The following RBMS3 variants were observed in gnomAD, a reference collection of about 807,000 sequenced individuals.
The protein encoded by RBMS3 is RNA-binding motif, single-stranded-interacting protein 3.
RBMS3 carries 27 observed loss-of-function variants against 66.8 expected under a neutral mutation model. That is an observed-to-expected ratio of 0.40 (90% CI 0.30 to 0.56). RBMS3 has a LOEUF of 0.56. Among genes scored for constraint, RBMS3 ranks in the 20% least tolerant of loss-of-function variants. The pLI is 0.40. For synonymous variants in RBMS3, 188 were observed against 183.0 expected (o/e 1.03, Z -0.22); for missense variants, 513 against 549.5 (o/e 0.93, Z 0.66).
chr3:29,308,804 A>G (rs1394769602), intron 1 of RBMS3, among the ~76,000 whole-genome samples: 2 of 149,660 alleles, frequency 1.3e-5, no homozygotes, highest in African/African-American at 4.9e-5. Context: ...TTTTGTCAAA[A>G]AAAAAAAAAA....
At chr3:29,719,664 C>A (rs2053558144) in intron 4 of RBMS3, among the ~76,000 whole-genome samples, 1 of 152,158 alleles carries the variant, frequency 6.6e-6, no homozygotes, top group Admixed American at 6.6e-5. Flanking sequence ...GGCCCTCCAT[C>A]TTCTATGATA....
intron 12 of RBMS3, among the ~76,000 whole-genome samples, chr3:29,966,299 T>C (rs1206578079): frequency 1.3e-5 from 2 of 152,226 alleles, no homozygotes; most frequent in African/African-American, 4.8e-5. Flanking sequence ...AATACTGCTT[T>C]TGGCAGTATG....
chr3:29,321,208 A>G (rs778003284), intron 1 of RBMS3, among the ~76,000 whole-genome samples: 2 of 152,090 alleles, frequency 1.3e-5, no homozygotes, highest in African/African-American at 2.4e-5. Context: ...CCAAACTTTT[A>G]TGATATATTA....
At chr3:29,728,156 T>C (rs2053964126) in intron 4 of RBMS3, among the ~76,000 whole-genome samples, 2 of 143,684 alleles carry the variant, frequency 1.4e-5, no homozygotes, top group Admixed American at 7.2e-5. Context: ...AGTTGAACCA[T>C]GAGAAAACAT....
chr3:29,701,011 A>G (rs755090136), intron 4 of RBMS3, among the ~76,000 whole-genome samples: 1 of 152,144 alleles, frequency 6.6e-6, no homozygotes, highest in Admixed American at 6.5e-5. Flanking sequence ...TAATTCTGAG[A>G]ACAATGAAGA....
chr3:29,356,503 T>C (rs1425191968), intron 1 of RBMS3, among the ~76,000 whole-genome samples: 2 of 152,306 alleles, frequency 1.3e-5, no homozygotes, highest in South Asian at 2.1e-4. Context: ...CTCCACTTGC[T>C]AAAACTAGCC....
At chr3:29,787,848 T>A (rs988467971) in intron 6 of RBMS3, among the ~76,000 whole-genome samples, 6 of 152,264 alleles carry the variant, frequency 3.9e-5, no homozygotes, top group East Asian at 1.9e-4. Context: ...TTAAAAAAAA[T>A]TAAAAATTAA....
chr3:29,322,851 A>G (rs892189911), intron 1 of RBMS3, among the ~76,000 whole-genome samples: 4 of 152,150 alleles, frequency 2.6e-5, no homozygotes, highest in Admixed American at 6.6e-5. Context: ...TAGCCGTTCA[A>G]TGAATAGTAT....
At chr3:29,360,637 G>A (rs2037524875) in intron 1 of RBMS3, among the ~76,000 whole-genome samples, 3 of 152,004 alleles carry the variant, frequency 2.0e-5, no homozygotes, top group Admixed American at 1.3e-4. Context: ...GTCTAATGTT[G>A]ACAGTGGAGT....
chr3:29,807,352 A>G (rs1038507695), intron 6 of RBMS3, among the ~76,000 whole-genome samples: 2 of 151,948 alleles, frequency 1.3e-5, no homozygotes, highest in Non-Finnish European at 2.9e-5. Context: ...TAAACAAAAT[A>G]AAATCAAACA....
intron 4 of RBMS3, among the ~76,000 whole-genome samples, chr3:29,689,163 T>C (rs2051867455): frequency 6.6e-6 from 1 of 152,118 alleles, no homozygotes; most frequent in Non-Finnish European, 1.5e-5. Context: ...AGAGCTTGTA[T>C]ATTTCATCAA....
At chr3:29,357,766 T>C (rs2037313589) in intron 1 of RBMS3, among the ~76,000 whole-genome samples, 1 of 152,208 alleles carries the variant, frequency 6.6e-6, no homozygotes, top group Non-Finnish European at 1.5e-5. Flanking sequence ...TGATATCTCA[T>C]TGTGGTTTTG....
intron 6 of RBMS3, among the ~76,000 whole-genome samples, chr3:29,834,512 G>T (rs1362967022): frequency 6.6e-6 from 1 of 152,012 alleles, no homozygotes; most frequent in Non-Finnish European, 1.5e-5. Context: ...TTAGAATTGG[G>T]TGGGCAGCAG....
intron 4 of RBMS3, among the ~76,000 whole-genome samples, chr3:29,640,270 ACACACACACACACACC>A (rs1020941496): frequency 1.5e-4 from 23 of 150,568 alleles, no homozygotes; most frequent in African/African-American, 5.6e-4. Context: ...ACACACACAC[ACACACACACACACACC>A]CACACACACA....
At chr3:29,310,284 A>G (rs1032013939) in intron 1 of RBMS3, among the ~76,000 whole-genome samples, 2 of 151,704 alleles carry the variant, frequency 1.3e-5, no homozygotes, top group Admixed American at 6.6e-5. Flanking sequence ...AAAGTAGGTC[A>G]TCCTCTGTGA....
At chr3:29,770,269 A>G (rs2149393784) in intron 6 of RBMS3, among the ~76,000 whole-genome samples, 1 of 152,138 alleles carries the variant, frequency 6.6e-6, no homozygotes, top group South Asian at 2.1e-4. Flanking sequence ...GAGAATTTCC[A>G]GTCTCTATTA....
At chr3:29,462,940 G>C (rs2042418253) in intron 2 of RBMS3, among the ~76,000 whole-genome samples, 1 of 152,190 alleles carries the variant, frequency 6.6e-6, no homozygotes, top group Admixed American at 6.5e-5. Flanking sequence ...TATATGACTA[G>C]TGTTTTGTTA....
intron 1 of RBMS3, among the ~76,000 whole-genome samples, chr3:29,301,969 A>G (rs1405880580): frequency 6.6e-6 from 1 of 152,084 alleles, no homozygotes; most frequent in South Asian, 2.1e-4. Flanking sequence ...TTTTTCACAC[A>G]AAGACATATC....
chr3:29,843,301 C>T (rs750559042), intron 6 of RBMS3, among the ~76,000 whole-genome samples: 31 of 152,102 alleles, frequency 2.0e-4, no homozygotes, highest in Non-Finnish European at 4.3e-4. Flanking sequence ...GAACTTGATC[C>T]TTATAGAACT....
Sources: gnomAD v4.1 joint callset for allele counts (sites outside exome capture counted in the v4.1 genomes callset) on GRCh38, gnomAD v4.1.1 for gene constraint, MANE v1.5 for transcripts, NCBI Gene and HGNC (gene_info 2026-07-23, HGNC 2026-07-21) for gene names.